Variants in KCND3 observed in about 807,000 individuals in gnomAD.
KCND3 encodes A-type voltage-gated potassium channel KCND3.
KCND3 carries 9 observed loss-of-function variants against 51.1 expected under a neutral mutation model. That is an observed-to-expected ratio of 0.18 (90% CI 0.11 to 0.31). KCND3 has a LOEUF of 0.31. Ranked by LOEUF, KCND3 falls within the 10% of genes least tolerant of loss-of-function variation. The probability of loss-of-function intolerance (pLI) is 1.00; values close to 1 mark genes in which losing one functional copy is unlikely to be tolerated. For synonymous variants in KCND3, 349 were observed against 368.0 expected (o/e 0.95, Z 0.59); for missense variants, 526 against 903.8 (o/e 0.58, Z 5.36).
chr1:111,930,842 G>A (rs544088627), intron 2 of KCND3, among the ~76,000 whole-genome samples: 3 of 152,352 alleles, frequency 2.0e-5, no homozygotes, highest in Non-Finnish European at 4.4e-5. Context: ...TGCTGGAAAT[G>A]CCAGGAAGGG....
At chr1:111,983,951 TC>T (rs1675117452) in intron 1 of KCND3, among the ~76,000 whole-genome samples, 2 of 152,140 alleles carry the variant, frequency 1.3e-5, no homozygotes, top group Non-Finnish European at 2.9e-5. Context: ...CACTCTGCAG[TC>T]CCCAAATGTA....
Position 111,981,474 on chromosome 1 carries a change from C to G in KCND3, c.1106+147G>C, listed in dbSNP as rs1674942526. 1 of 1,185,902 alleles carries G rather than the reference C, an allele frequency of 8.4e-7. No individual in the cohort carries two copies. Among genetic ancestry groups the G allele is most frequent in the African/African-American group, 1.5e-5 (1 of 66,604 alleles). 73.5% of individuals were successfully genotyped at this position (1,185,902 alleles called of 1,614,324 possible). ...AAACAGATGACTCATGGGCTTTACC[C>G]TTCGGATAGAGCAACTTCCCCTGCC... On this transcript the variant is annotated intron_variant, in intron 2 of 7. Transcript: ENST00000302127. The surrounding 1 kb of genome is among the most constrained non-coding windows in gnomAD (Gnocchi z 6.2).
intron 2 of KCND3, among the ~76,000 whole-genome samples, chr1:111,970,717 A>G (rs1431865313): frequency 6.6e-6 from 1 of 152,216 alleles, no homozygotes; most frequent in Non-Finnish European, 1.5e-5. Flanking sequence ...ACCATGTGGG[A>G]GCTTGGGCAC....
chr1:111,959,604 GGTCTATATTCTCTTCCTGCCCCCT>G (rs1339331475), intron 2 of KCND3, among the ~76,000 whole-genome samples: 1 of 152,132 alleles, frequency 6.6e-6, no homozygotes, highest in African/African-American at 2.4e-5. Context: ...AGGGCAGTAA[GGTCTATATTCTCTTCCTGCCCCCT>G]GCTGGGGATG....
At chr1:111,813,368 A>G (rs1665943587) in intron 2 of KCND3, among the ~76,000 whole-genome samples, 1 of 152,224 alleles carries the variant, frequency 6.6e-6, no homozygotes, top group African/African-American at 2.4e-5. Context: ...AGAGTCAGAA[A>G]AGAGTCATGG....
At chr1:111,842,450 T>C (rs1288211746) in intron 2 of KCND3, among the ~76,000 whole-genome samples, 5 of 152,150 alleles carry the variant, frequency 3.3e-5, no homozygotes, top group Non-Finnish European at 5.9e-5. Context: ...CCAGTGAGGC[T>C]CTGACTGGAG....
chr1:111,882,578 GC>G (rs1669382967), intron 2 of KCND3, among the ~76,000 whole-genome samples: 1 of 152,232 alleles, frequency 6.6e-6, no homozygotes, highest in South Asian at 2.1e-4. Flanking sequence ...GAAGGCTGGG[GC>G]CCAGGCCCTG....
At chr1:111,855,911 C>T (rs959582612) in intron 2 of KCND3, among the ~76,000 whole-genome samples, 3 of 152,158 alleles carry the variant, frequency 2.0e-5, no homozygotes, top group Non-Finnish European at 2.9e-5. Context: ...ATCATAGAAA[C>T]GGCCCCCTCA....
At chr1:111,792,468 G>A (rs1274008458) in intron 2 of KCND3, among the ~76,000 whole-genome samples, 1 of 152,184 alleles carries the variant, frequency 6.6e-6, no homozygotes, top group Non-Finnish European at 1.5e-5. Context: ...GCTAGAGAGA[G>A]GATGGCTGTG....
At chr1:111,888,765 A>C (rs1269161451) in intron 2 of KCND3, among the ~76,000 whole-genome samples, 2 of 152,048 alleles carry the variant, frequency 1.3e-5, no homozygotes, top group African/African-American at 4.8e-5. Flanking sequence ...GACAGACAGA[A>C]ACCTCTGCAG....
chr1:111,936,051 G>T (rs1300788174), intron 2 of KCND3, among the ~76,000 whole-genome samples: 1 of 152,174 alleles, frequency 6.6e-6, no homozygotes, highest in Non-Finnish European at 1.5e-5. Flanking sequence ...CTGATAAATT[G>T]TGCTTTTTGT....
Position 111,780,149 on chromosome 1 carries a change from G to C in KCND3, c.1461+76C>G. The C allele has an allele frequency of 7.3e-7, 1 of 1,377,302 alleles. No homozygotes were observed. The highest frequency in any genetic ancestry group is 2.4e-4 in the Middle Eastern group (1 of 4,120). The allele number at this position is 1,377,302 out of a possible 1,614,324, so 85.3% of individuals were successfully genotyped here. On this transcript the variant is annotated intron_variant, in intron 5 of 7. Coordinates refer to ENST00000302127, the MANE Select transcript of KCND3 (RefSeq NM_001378969.1). The surrounding 1 kb of genome is among the most constrained non-coding windows in gnomAD (Gnocchi z 4.2). ...GACAGACTTTGACTTCTGGCCCAGA[G>C]TGAAGATGTGAGTACAGCCTTAGAA...
At chr1:111,901,700 G>A (rs1670390920) in intron 2 of KCND3, among the ~76,000 whole-genome samples, 1 of 152,200 alleles carries the variant, frequency 6.6e-6, no homozygotes, top group African/African-American at 2.4e-5. Context: ...GGCTTAGGAA[G>A]AATGCTTTCT....
At chr1:111,875,079 G>C (rs1250714235) in intron 2 of KCND3, among the ~76,000 whole-genome samples, 1 of 152,212 alleles carries the variant, frequency 6.6e-6, no homozygotes, top group African/African-American at 2.4e-5. Flanking sequence ...GGCCATGGTG[G>C]CTCCAGGGAC....
At chr1:111,847,192 A>C (rs1667589963) in intron 2 of KCND3, among the ~76,000 whole-genome samples, 1 of 152,212 alleles carries the variant, frequency 6.6e-6, no homozygotes, top group Non-Finnish European at 1.5e-5. Context: ...CAGGCGAAGG[A>C]GGGGCAGCAG....
intron 2 of KCND3, among the ~76,000 whole-genome samples, chr1:111,958,333 G>A (rs569859489): frequency 7.3e-4 from 111 of 152,296 alleles, no homozygotes; most frequent in Non-Finnish European, 1.4e-3. Flanking sequence ...GCAGGACCCT[G>A]AGCTGCAGCC....
At chr1:111,827,011 C>G (rs1424524168) in intron 2 of KCND3, among the ~76,000 whole-genome samples, 1 of 152,178 alleles carries the variant, frequency 6.6e-6, no homozygotes, top group African/African-American at 2.4e-5. Context: ...ATCCAATACT[C>G]CACTGAGCAT....
chr1:111,888,964 G>A (rs898263128), intron 2 of KCND3, among the ~76,000 whole-genome samples: 1 of 152,166 alleles, frequency 6.6e-6, no homozygotes, highest in Non-Finnish European at 1.5e-5. Context: ...GAGCAGCTTT[G>A]CTAATGAGGG....
At chr1:111,813,886 A>G (rs1256268192) in intron 2 of KCND3, among the ~76,000 whole-genome samples, 3 of 152,218 alleles carry the variant, frequency 2.0e-5, no homozygotes, top group Non-Finnish European at 2.9e-5. Flanking sequence ...ATAGTATTCA[A>G]TGAGCTCCTA....
Sources: allele counts gnomAD v4.1 joint callset (sites outside exome capture counted in the v4.1 genomes callset), GRCh38; gene constraint gnomAD v4.1.1; non-coding constraint Gnocchi (gnomAD v3.1); transcripts MANE v1.5; gene names NCBI Gene and HGNC (gene_info 2026-07-23, HGNC 2026-07-21).